Variants in PTMA observed in about 807,000 individuals in gnomAD.
PTMA encodes gene sequence 28.
In PTMA, 4 loss-of-function variants were observed where a neutral mutation model predicts 16.9. The observed-to-expected ratio is 0.24, with a 90% CI of 0.12 to 0.54. The LOEUF is 0.54. PTMA is among the 20% of genes least tolerant of loss of function. The pLI is 0.95. For synonymous variants in PTMA, 58 were observed against 47.9 expected, an observed-to-expected ratio of 1.21 and a Z score of -0.87; for missense variants, 120 against 137.7, an observed-to-expected ratio of 0.87 and a Z score of 0.64.
At chr2:231,711,694 C>T (rs1260463034) in intron 2 of PTMA, 196 bp from the exon 3 acceptor site, 3 of 1,048,496 alleles carry the variant, frequency 2.9e-6, no homozygotes, top group South Asian at 1.7e-5. Context: ...AAGCCCTTGT[C>T]CTGGGGCAGT....
chr2:231,710,655 C>T (rs1575351259), intron 1 of PTMA: 3 of 441,942 alleles, frequency 6.8e-6, no homozygotes, highest in Admixed American at 5.1e-5. Flanking sequence ...TTTTGGATCC[C>T]GGGCGGAGTC....
At chr2:231,712,747 T>TG in intron 4 of PTMA, 57 bp from the exon 5 acceptor site, 1 of 1,552,006 alleles carries the variant, frequency 6.4e-7, no homozygotes, top group Non-Finnish European at 8.7e-7. Context: ...GCTGAGGCAG[T>TG]GGGCTGGATA....
At chr2:231,709,924 C>T in intron 1 of PTMA, 1 of 501,652 alleles carries the variant, frequency 2.0e-6, no homozygotes, top group Non-Finnish European at 3.0e-6. Flanking sequence ...GACTTCTTGG[C>T]AGAGCGGAGC....
At chr2:231,712,270 C>T (rs2048528181) in intron 3 of PTMA, among the ~76,000 whole-genome samples, 173 bp from the exon 4 acceptor site, 1 of 152,184 alleles carries the variant, frequency 6.6e-6, no homozygotes, top group South Asian at 2.1e-4. Flanking sequence ...GCTTGGGCCT[C>T]TCTCCTCTGG....
intron 2 of PTMA, 133 bp downstream of exon 2, chr2:231,711,552 C>A: frequency 1.2e-6 from 1 of 864,832 alleles, no homozygotes; most frequent in Non-Finnish European, 1.8e-6. Flanking sequence ...GTATCGTAGC[C>A]AATGAGCTTT....
At chr2:231,712,622 G>A (rs1236390639) in intron 4 of PTMA, 106 bp downstream of exon 4, 8 of 1,375,384 alleles carry the variant, frequency 5.8e-6, no homozygotes, top group African/African-American at 2.9e-5. Context: ...CTTTGTAGGT[G>A]GCCACTGTGT....
rs926417071 is a variant in PTMA at position 231,709,780 on chromosome 2, C to T, written c.45+1029C>T. ...GCCCTTGGCGGGAGCGGGGCGCTCTCAGACTGACTGGCTCTTTCTTAATAT... is the reference window on the plus strand; with the variant it reads ...GCCCTTGGCGGGAGCGGGGCGCTCTTAGACTGACTGGCTCTTTCTTAATAT... On this transcript the variant is annotated intron_variant, in intron 1 of 4. Transcript: ENST00000409115. 3 of 160,428 alleles carry T rather than the reference C, an allele frequency of 1.9e-5. No individual in the cohort carries two copies. The East Asian group carries it at 5.3e-4, about 28-fold the overall frequency. 9.9% of individuals were successfully genotyped at this position (160,428 alleles called of 1,614,324 possible). A position where few individuals can be genotyped will look rare whatever the true frequency, so the allele number is the denominator to read the frequency against.
At position 231,712,683 on chromosome 2, in the gene PTMA, A is replaced by G. The variant is rs931756968; in HGVS notation, c.286-121A>G. 11 of 1,371,326 alleles carry G rather than the reference A, an allele frequency of 8.0e-6. No homozygotes were observed. In the East Asian group the frequency reaches 2.5e-4, roughly 31 times the overall value. The allele number at this position is 1,371,326 out of a possible 1,614,324, so 84.9% of individuals were successfully genotyped here. A position where few individuals can be genotyped will look rare whatever the true frequency, so the allele number is the denominator to read the frequency against. On this transcript the variant is annotated intron_variant, in intron 4 of 4. Coordinates refer to ENST00000409115, the MANE Select transcript of PTMA (RefSeq NM_002823.5). ...GAAACAGGGCTGGGCTCAACTTCCC[A>G]GAGGCCTTGGGCTGTGGAGCTGGGG...
intron 1 of PTMA, chr2:231,710,197 GC>G: frequency 7.6e-7 from 1 of 1,318,710 alleles, no homozygotes; most frequent in Middle Eastern, 2.9e-4. Context: ...ATTCGGGCCT[GC>G]CGGGGTGGCG....
At position 231,711,338 on chromosome 2, in the gene PTMA, C is replaced by T. The variant is rs763599884; in HGVS notation, c.46-10C>T. The T allele has an allele frequency of 1.9e-6, 3 of 1,613,016 alleles. No homozygotes were observed. Among genetic ancestry groups the T allele is most frequent in the South Asian group, 1.1e-5 (1 of 91,074 alleles). ...CTTACTGGTTACTGGTTCCTTCTTC[C>T]CTTTTGAAGGACTTAAAGGAGAAGA... On this transcript the variant is annotated splice_polypyrimidine_tract_variant and intron_variant, in intron 1 of 4. Coordinates refer to ENST00000409115, the MANE Select transcript of PTMA (RefSeq NM_002823.5).
Position 231,708,587 on chromosome 2 carries a change from G to C in PTMA, c.-120G>C. Reference sequence around the variant, plus strand: ...TTCCTCATCCGCCTCCTTGCTCGCCGCAGCCGCCTCCGCCGCGCGCCTCCT... The same window carrying C: ...TTCCTCATCCGCCTCCTTGCTCGCCCCAGCCGCCTCCGCCGCGCGCCTCCT... On this transcript the variant is annotated 5_prime_UTR_variant, in exon 1 of 5. Transcript: ENST00000409115. 7.9e-7 allele frequency: 1 copy of C among 1,263,410 alleles called. No homozygotes were observed. Among genetic ancestry groups the C allele is most frequent in the Non-Finnish European group, 1.1e-6 (1 of 882,444 alleles). The allele number at this position is 1,263,410 out of a possible 1,614,324, so 78.3% of individuals were successfully genotyped here.
At chr2:231,710,136 C>T (rs767350213) in intron 1 of PTMA, 5 of 1,251,870 alleles carry the variant, frequency 4.0e-6, no homozygotes, top group Admixed American at 4.1e-5. Flanking sequence ...CTACGCAGCC[C>T]GGTGGACTTT....
chr2:231,708,933 A>G (rs1009197812), intron 1 of PTMA, among the ~76,000 whole-genome samples, 182 bp downstream of exon 1: 19 of 152,140 alleles, frequency 1.2e-4, no homozygotes, highest in South Asian at 8.3e-4. Flanking sequence ...GGGGGCGGGA[A>G]CCGCCGCGGG....
Position 231,711,884 on chromosome 2 carries a change from G to A in PTMA, c.118-6G>A, listed in dbSNP as rs374942772. The A allele has an allele frequency of 2.3e-4, 363 of 1,612,586 alleles. No individual in the cohort carries two copies. The Middle Eastern group carries it at 2.7e-3, about 12-fold the overall frequency. On this transcript the variant is annotated splice_polypyrimidine_tract_variant and splice_region_variant and intron_variant, in intron 2 of 4. Transcript: ENST00000409115. ...GTAATGACATGGCCTGTTTTCTGTC[G>A]AGGAGAATGAGGAAAATGGGGAGCA... is the stretch of plus-strand genomic sequence containing the variant.
At chr2:231,710,215 G>A (rs748131079) in intron 1 of PTMA, 3 of 1,343,054 alleles carry the variant, frequency 2.2e-6, no homozygotes, top group East Asian at 5.9e-5. Flanking sequence ...GGCGGCAGTG[G>A]GGCGTCGAGT....
At chr2:231,710,359 A>C (rs569322472) in intron 1 of PTMA, 2 of 1,202,264 alleles carry the variant, frequency 1.7e-6, no homozygotes, top group Non-Finnish European at 2.1e-6. Flanking sequence ...GTGCGTGCCG[A>C]GGCCCGCGCG....
At chr2:231,710,097 C>G (rs2241742) in intron 1 of PTMA, 236,491 of 1,239,006 alleles carry the variant, frequency 0.19, 23,767 homozygotes, top group Non-Finnish European at 0.21. Context: ...AGTAGTAGCC[C>G]GAGAGGCGCA....
chr2:231,712,124 C>T, intron 3 of PTMA, 141 bp downstream of exon 3: 1 of 1,435,238 alleles, frequency 7.0e-7, no homozygotes. Flanking sequence ...TGGGCACCCA[C>T]CTGTAGAGTC....
chr2:231,712,431 G>A lies in PTMA; in HGVS notation c.212-12G>A, dbSNP rs2048530681. ...GGGAAGTGTGGTTTACCTGGCCTTT[G>A]ATTCTCTCCAGGTGAGGAAGAGGAT... On this transcript the variant is annotated splice_polypyrimidine_tract_variant and intron_variant, in intron 3 of 4. Coordinates refer to ENST00000409115, the MANE Select transcript of PTMA (RefSeq NM_002823.5). 1 of 1,613,060 alleles carries A rather than the reference G, an allele frequency of 6.2e-7. No individual in the cohort carries two copies. Among genetic ancestry groups the A allele is most frequent in the Admixed American group, 1.7e-5 (1 of 59,994 alleles).
Sources: gnomAD v4.1 joint callset for allele counts (sites outside exome capture counted in the v4.1 genomes callset) on GRCh38, gnomAD v4.1.1 for gene constraint, MANE v1.5 for transcripts, NCBI Gene and HGNC (gene_info 2026-07-23, HGNC 2026-07-21) for gene names.